The following DPYSL5 variants were observed in gnomAD, a reference collection of about 807,000 sequenced individuals.
The protein encoded by DPYSL5 is dihydropyrimidinase-related protein 5.
Under a neutral mutation model 58.4 loss-of-function variants are expected in DPYSL5, and 9 were observed. The observed-to-expected ratio is 0.15, with a 90% CI of 0.09 to 0.27. DPYSL5 has a LOEUF of 0.27. DPYSL5 is among the 10% of genes least tolerant of loss of function. The probability of loss-of-function intolerance (pLI) is 1.00; values close to 1 mark genes in which losing one functional copy is unlikely to be tolerated. For synonymous variants in DPYSL5, 293 were observed against 301.9 expected, an observed-to-expected ratio of 0.97 and a Z score of 0.31; for missense variants, 499 against 770.6, an observed-to-expected ratio of 0.65 and a Z score of 4.17.
At position 26,905,906 on chromosome 2, in the gene DPYSL5, G is replaced by A. The variant is rs1198049244; in HGVS notation, c.261+7146G>A. ...TCTTCGGCTCAGAGCCTCGCAAGCC[G>A]CCATCCAGGTGTCAATGGGCTGCAT... is the stretch of plus-strand genomic sequence containing the variant. On this transcript the variant is annotated intron_variant, in intron 2 of 12. Transcript: ENST00000288699. This position sits in a 1 kb window ranked among gnomAD's most constrained non-coding sequence, Gnocchi z 4.0. Among the ~76,000 whole-genome samples, 1 of 152,164 alleles carries A rather than the reference G, an allele frequency of 6.6e-6. No homozygotes were observed. Among genetic ancestry groups the A allele is most frequent in the East Asian group, 1.9e-4 (1 of 5,184 alleles).
At position 26,948,073 on chromosome 2, in the gene DPYSL5, CCACACACACACACACACACACACACA is replaced by C. The variant is rs67138052; in HGVS notation, c.*1090_*1115del. The C allele has an allele frequency of 1.4e-5, 2 of 143,548 alleles. No homozygotes were observed. Among genetic ancestry groups the C allele is most frequent in the African/African-American group, 5.4e-5 (2 of 37,270 alleles). 8.9% of individuals were successfully genotyped at this position (143,548 alleles called of 1,614,324 possible). ...TGCCTTCCCCTGTCTTCACCTGCCA[CCACACACACACACACACACACACACA>C]CACACACACACGCACGGCTTCCTAT... On this transcript the variant is annotated 3_prime_UTR_variant, in exon 13 of 13. Coordinates refer to ENST00000288699, the MANE Select transcript of DPYSL5 (RefSeq NM_020134.4).
intron 1 of DPYSL5, among the ~76,000 whole-genome samples, chr2:26,869,855 C>T (rs991191061): frequency 6.6e-6 from 1 of 151,968 alleles, no homozygotes; most frequent in African/African-American, 2.4e-5. Flanking sequence ...ACTAAAAATA[C>T]AAAAAATCAG....
chr2:26,911,512 A>C (rs1418658355), intron 2 of DPYSL5, among the ~76,000 whole-genome samples: 1 of 152,234 alleles, frequency 6.6e-6, no homozygotes, highest in Admixed American at 6.5e-5. Flanking sequence ...AAAATCTATG[A>C]CATGATTATA....
At position 26,933,064 on chromosome 2, in the gene DPYSL5, G is replaced by A. The variant is rs1339741758; in HGVS notation, c.715-194G>A. ...GCTGGAGGCTGTTCTCTGCCTCCCC[G>A]TATCATGCAGTTCCTGCAACCTTGC... On this transcript the variant is annotated intron_variant, in intron 6 of 12. Coordinates refer to ENST00000288699, the MANE Select transcript of DPYSL5 (RefSeq NM_020134.4). The surrounding 1 kb of genome is among the most constrained non-coding windows in gnomAD (Gnocchi z 4.2). 3.9e-5 allele frequency among the ~76,000 whole-genome samples: 6 copies of A among 152,172 alleles called. No homozygotes were observed. Among genetic ancestry groups the A allele is most frequent in the Admixed American group, 6.5e-5 (1 of 15,274 alleles).
At chr2:26,915,580 G>C (rs546498455) in intron 2 of DPYSL5, among the ~76,000 whole-genome samples, 6 of 152,212 alleles carry the variant, frequency 3.9e-5, no homozygotes, top group East Asian at 3.9e-4. Context: ...CTGTGCCCCA[G>C]CTCCTGGTTC....
chr2:26,922,051 C>G (rs1286178602), intron 2 of DPYSL5, among the ~76,000 whole-genome samples: 1 of 152,154 alleles, frequency 6.6e-6, no homozygotes, highest in African/African-American at 2.4e-5. Context: ...AACTTGTACC[C>G]CTGCCCCATA....
chr2:26,906,704 C>T (rs554658363), intron 2 of DPYSL5, among the ~76,000 whole-genome samples: 1 of 152,316 alleles, frequency 6.6e-6, no homozygotes, highest in East Asian at 1.9e-4. Context: ...ATCCTATAGA[C>T]ATTTTGCCCT....
intron 9 of DPYSL5, among the ~76,000 whole-genome samples, chr2:26,940,901 G>A (rs958061766): frequency 6.7e-5 from 10 of 149,558 alleles, no homozygotes; most frequent in African/African-American, 2.5e-4. Flanking sequence ...TCAGGAGTGT[G>A]TGTCAGCATT....
chr2:26,904,844 CA>C (rs1664249274), intron 2 of DPYSL5, among the ~76,000 whole-genome samples: 3 of 152,202 alleles, frequency 2.0e-5, no homozygotes. Flanking sequence ...GTTGAGGCTG[CA>C]GTGAGCTGTG....
At chr2:26,862,127 A>G (rs1220913864) in intron 1 of DPYSL5, among the ~76,000 whole-genome samples, 3 of 152,230 alleles carry the variant, frequency 2.0e-5, no homozygotes, top group Non-Finnish European at 4.4e-5. Context: ...TCTTGATTGC[A>G]GCCTTGTGAG....
chr2:26,937,633 G>A (rs1057110213), intron 8 of DPYSL5, among the ~76,000 whole-genome samples: 1 of 145,020 alleles, frequency 6.9e-6, no homozygotes, highest in Non-Finnish European at 1.5e-5. Context: ...ATTCTGGCTT[G>A]TTTTTTTTTT....
chr2:26,893,897 G>A (rs1663950520), intron 1 of DPYSL5, among the ~76,000 whole-genome samples: 1 of 152,036 alleles, frequency 6.6e-6, no homozygotes, highest in Non-Finnish European at 1.5e-5. Context: ...CACTGCAATG[G>A]CGTAATCTCC....
Position 26,898,169 on chromosome 2 carries a change from T to C in DPYSL5, c.-4-327T>C, listed in dbSNP as rs1023518297. ...ATGCCTTGGGTTGTTTTGGGGATAG[T>C]AGAGATATGAGAAATGAGATATGAG... is the stretch of plus-strand genomic sequence containing the variant. On this transcript the variant is annotated intron_variant, in intron 1 of 12. Transcript: ENST00000288699. The surrounding 1 kb of genome is among the most constrained non-coding windows in gnomAD (Gnocchi z 6.1). Among the ~76,000 whole-genome samples, 3 of 152,108 alleles carry C rather than the reference T, an allele frequency of 2.0e-5. No individual in the cohort carries two copies. Among genetic ancestry groups the C allele is most frequent in the Admixed American group, 6.6e-5 (1 of 15,262 alleles).
At chr2:26,851,681 G>A (rs777443843) in intron 1 of DPYSL5, among the ~76,000 whole-genome samples, 14 of 152,156 alleles carry the variant, frequency 9.2e-5, no homozygotes, top group Non-Finnish European at 1.9e-4. Flanking sequence ...AGTGGATCAC[G>A]CCTGTAATCC....
chr2:26,904,808 G>A (rs1281503084), intron 2 of DPYSL5, among the ~76,000 whole-genome samples: 1 of 152,316 alleles, frequency 6.6e-6, no homozygotes, highest in East Asian at 1.9e-4. Context: ...TAGGCTGAGT[G>A]GGGAGGATCA....
chr2:26,929,239 T>G (rs1159142083), intron 5 of DPYSL5, among the ~76,000 whole-genome samples: 3 of 152,050 alleles, frequency 2.0e-5, no homozygotes, highest in African/African-American at 7.2e-5. Context: ...TTATTTTATT[T>G]TATTTATTTT....
intron 1 of DPYSL5, among the ~76,000 whole-genome samples, chr2:26,866,735 T>C (rs867741082): frequency 2.9e-4 from 43 of 148,934 alleles, no homozygotes; most frequent in South Asian, 8.5e-4. Context: ...TCTTCTTCTT[T>C]TTTTTTTTTT....
chr2:26,882,146 G>T (rs567327773), intron 1 of DPYSL5, among the ~76,000 whole-genome samples: 3 of 151,474 alleles, frequency 2.0e-5, no homozygotes, highest in Non-Finnish European at 2.9e-5. Context: ...CCAGACAAGG[G>T]CAGGACTTCC....
At position 26,898,272 on chromosome 2, in the gene DPYSL5, C is replaced by A. The variant is rs1342815816; in HGVS notation, c.-4-224C>A. Reference sequence around the variant, plus strand: ...TTTGGGAAAGTAAAACATGATGTTTCTGTAGGCCCCAGCTTCTCCCTTACT... The same window carrying A: ...TTTGGGAAAGTAAAACATGATGTTTATGTAGGCCCCAGCTTCTCCCTTACT... On this transcript the variant is annotated intron_variant, in intron 1 of 12. Transcript: ENST00000288699. This position sits in a 1 kb window ranked among gnomAD's most constrained non-coding sequence, Gnocchi z 6.1. Among the ~76,000 whole-genome samples, 1 of 152,156 alleles carries A rather than the reference C, an allele frequency of 6.6e-6. No homozygotes were observed. The highest frequency in any genetic ancestry group is 1.5e-5 in the Non-Finnish European group (1 of 68,016).
Sources: allele counts gnomAD v4.1 joint callset (sites outside exome capture counted in the v4.1 genomes callset), GRCh38; gene constraint gnomAD v4.1.1; non-coding constraint Gnocchi (gnomAD v3.1); transcripts MANE v1.5; gene names NCBI Gene and HGNC (gene_info 2026-07-23, HGNC 2026-07-21).